C13orf42: variants seen among roughly 807,000 people sequenced by gnomAD.
C13orf42 encodes chromosome 13 open reading frame 42, also known as uncharacterized protein C13orf42.
At chr13:51,151,064 C>CA (rs775166805) in intron 1 of C13orf42, among the ~76,000 whole-genome samples, 108 of 152,216 alleles carry the variant, frequency 7.1e-4, no homozygotes, top group Non-Finnish European at 1.3e-3. Context: ...ACTAGTCAAA[C>CA]ATTGTAGTAG....
chr13:51,171,755 C>T (rs59488627), intron 1 of C13orf42, among the ~76,000 whole-genome samples: 6,761 of 152,128 alleles, frequency 0.044, 543 homozygotes, highest in African/African-American at 0.15. Context: ...TTTTCTTTAC[C>T]CCAAATCAGA....
At chr13:51,091,334 C>G (rs1445607867) in intron 1 of C13orf42, among the ~76,000 whole-genome samples, 1 of 152,228 alleles carries the variant, frequency 6.6e-6, no homozygotes, top group Non-Finnish European at 1.5e-5. Context: ...AACTAACTCT[C>G]ATCACAAAAG....
intron 1 of C13orf42, among the ~76,000 whole-genome samples, chr13:51,135,954 G>A (rs1435396863): frequency 2.0e-5 from 3 of 152,234 alleles, no homozygotes; most frequent in Non-Finnish European, 2.9e-5. Context: ...GGCGACAGAA[G>A]AGTCCAGCAG....
At chr13:51,159,511 ATAGAT>A (rs1953848390) in intron 1 of C13orf42, among the ~76,000 whole-genome samples, 1 of 152,248 alleles carries the variant, frequency 6.6e-6, no homozygotes, top group Admixed American at 6.5e-5. Context: ...TAGAAAATAT[ATAGAT>A]TAGAGTTGAA....
At chr13:51,122,536 AAG>A (rs1953544351) in intron 1 of C13orf42, among the ~76,000 whole-genome samples, 1 of 147,526 alleles carries the variant, frequency 6.8e-6, no homozygotes, top group Admixed American at 6.7e-5. Flanking sequence ...CTGTTCCAAA[AAG>A]AAAAAAAAAA....
intron 1 of C13orf42, among the ~76,000 whole-genome samples, chr13:51,132,990 C>T (rs1427619277): frequency 6.6e-6 from 1 of 152,144 alleles, no homozygotes; most frequent in African/African-American, 2.4e-5. Context: ...AATGCCATGG[C>T]AACATCAGGA....
At chr13:51,155,914 A>G (rs541713291) in intron 1 of C13orf42, among the ~76,000 whole-genome samples, 14 of 152,266 alleles carry the variant, frequency 9.2e-5, no homozygotes, top group African/African-American at 2.9e-4. Context: ...GGGGTTGGAG[A>G]TCCAGGCAGA....
rs554971894 is a variant in C13orf42, at chr13:51,091,635, C to G, written c.415-3560G>C. On this transcript the variant is annotated intron_variant, in intron 1 of 3. Coordinates refer to ENST00000563710, the MANE Select transcript of C13orf42 (RefSeq NM_001351589.3). ...GTGCTTTTAAAGAATATCTATGCTGCCCTTTTCCTAAACCAATTAATTTAG... is the reference window on the plus strand; with the variant it reads ...GTGCTTTTAAAGAATATCTATGCTGGCCTTTTCCTAAACCAATTAATTTAG... Among the ~76,000 whole-genome samples the G allele has an allele frequency of 1.8e-4, 28 of 152,190 alleles. 1 individual carries two copies. The South Asian group carries it at 4.8e-3, about 26-fold the overall frequency.
At chr13:51,089,772 T>C (rs1175278094) in intron 1 of C13orf42, among the ~76,000 whole-genome samples, 1 of 151,468 alleles carries the variant, frequency 6.6e-6, no homozygotes, top group Non-Finnish European at 1.5e-5. Context: ...GAAATCTCTC[T>C]TCCACAGATG....
At chr13:51,132,165 G>A (rs546041612) in intron 1 of C13orf42, among the ~76,000 whole-genome samples, 8 of 152,266 alleles carry the variant, frequency 5.3e-5, no homozygotes, top group East Asian at 1.9e-4. Flanking sequence ...ATAAGCGGCC[G>A]GGCGCGGTGG....
chr13:51,125,758 G>A (rs1953571936), intron 1 of C13orf42, among the ~76,000 whole-genome samples: 1 of 152,190 alleles, frequency 6.6e-6, no homozygotes, highest in Non-Finnish European at 1.5e-5. Flanking sequence ...GCTCATCACT[G>A]CCCTGGGCTC....
chr13:51,105,971 G>A lies in C13orf42; in HGVS notation c.414+4825C>T, dbSNP rs184482742. ...CTGGGAGATATGAAAGTATCTTGTTGAAAAATGATTTCAGGACATAATACC... is the reference window on the plus strand; with the variant it reads ...CTGGGAGATATGAAAGTATCTTGTTAAAAAATGATTTCAGGACATAATACC... On this transcript the variant is annotated intron_variant, in intron 1 of 3. Transcript: ENST00000563710. Among the ~76,000 whole-genome samples the A allele has an allele frequency of 5.4e-3, 829 of 152,286 alleles. 10 individuals carry two copies. The highest frequency in any genetic ancestry group is 0.027 in the South Asian group (131 of 4,828).
At chr13:51,100,759 C>T (rs1466243791) in intron 1 of C13orf42, among the ~76,000 whole-genome samples, 3 of 152,076 alleles carry the variant, frequency 2.0e-5, no homozygotes, top group African/African-American at 7.2e-5. Context: ...GAAAGTAATA[C>T]GTAAAAGAAT....
chr13:51,114,644 A>G (rs1953468849), upstream of C13orf42, among the ~76,000 whole-genome samples: 1 of 85,118 alleles, frequency 1.2e-5, no homozygotes, highest in African/African-American at 5.3e-5. Context: ...AGATAGATAG[A>G]TAGAGATAGA....
Position 51,084,329 on chromosome 13 carries a change from G to A in C13orf42, c.804-4C>T, listed in dbSNP as rs1406859164. 2.5e-6 allele frequency: 1 copy of A among 398,672 alleles called. No homozygotes were observed. Among genetic ancestry groups the A allele is most frequent in the Non-Finnish European group, 4.4e-6 (1 of 226,190 alleles). The allele number at this position is 398,672 out of a possible 1,614,324, so 24.7% of individuals were successfully genotyped here. A position where few individuals can be genotyped will look rare whatever the true frequency, so the allele number is the denominator to read the frequency against. The stretch of plus-strand genomic sequence containing the variant: ...GATCTGTCTGGAGCTCCCCAGGCTA[G>A]AAGGAAGGAATGAGGCAGGAGGTTT... On this transcript the variant is annotated splice_region_variant and splice_polypyrimidine_tract_variant and intron_variant, in intron 3 of 3. Coordinates refer to ENST00000563710, the MANE Select transcript of C13orf42 (RefSeq NM_001351589.3).
chr13:51,103,796 G>A (rs1040129173), intron 1 of C13orf42, among the ~76,000 whole-genome samples: 1 of 152,182 alleles, frequency 6.6e-6, no homozygotes, highest in Admixed American at 6.5e-5. Context: ...ACAGAAGAAT[G>A]AATATGATTC....
At chr13:51,169,737 G>C (rs1362527632) in intron 1 of C13orf42, among the ~76,000 whole-genome samples, 1 of 152,250 alleles carries the variant, frequency 6.6e-6, no homozygotes, top group Admixed American at 6.5e-5. Flanking sequence ...AGCCTTGGCA[G>C]CTTCCATGTG....
upstream of C13orf42, among the ~76,000 whole-genome samples, chr13:51,112,062 C>T (rs1287679218): frequency 2.6e-5 from 4 of 152,246 alleles, no homozygotes; most frequent in Non-Finnish European, 5.9e-5. Flanking sequence ...TAGTTAACAT[C>T]AGACATAAAC....
chr13:51,170,988 C>T (rs61958504), intron 1 of C13orf42, among the ~76,000 whole-genome samples: 12,583 of 152,084 alleles, frequency 0.083, 670 homozygotes, highest in Non-Finnish European at 0.13. Flanking sequence ...CCCTTATTTC[C>T]GCACCCTGAC....
Sources: allele counts gnomAD v4.1 joint callset (sites outside exome capture counted in the v4.1 genomes callset), GRCh38; gene constraint gnomAD v4.1.1; transcripts MANE v1.5; gene names NCBI Gene and HGNC (gene_info 2026-07-23, HGNC 2026-07-21).